ERCC6L2: variants seen among roughly 807,000 people sequenced by gnomAD.
ERCC6L2 encodes the protein ERCC excision repair 6 like 2, also known as DNA excision repair protein ERCC-6-like 2.
ERCC6L2 carries 77 observed loss-of-function variants against 132.0 expected under a neutral mutation model. The ratio of observed to expected loss-of-function variants is 0.58; its 90% CI spans 0.49 to 0.71. The LOEUF (loss-of-function observed/expected upper bound fraction) is 0.71, where lower values mean the gene tolerates loss of function less well. Ranked by LOEUF, ERCC6L2 falls within the 30% of genes least tolerant of loss-of-function variation. ERCC6L2 has a pLI of 0.00. For missense variants in ERCC6L2, 1,542 were observed against 1,837.6 expected, an observed-to-expected ratio of 0.84 and a Z score of 2.94; for synonymous variants, 583 against 632.4, an observed-to-expected ratio of 0.92 and a Z score of 1.17.
intron 1 of ERCC6L2, 88 bp downstream of exon 1, chr9:95,876,172 T>A: frequency 7.7e-7 from 1 of 1,293,328 alleles, no homozygotes; most frequent in Non-Finnish European, 1.1e-6. Context: ...CGGGTTGGGG[T>A]TTTGCCCTGT....
At chr9:96,021,307 A>C (rs935567850), downstream of ERCC6L2, 1 of 333,486 alleles carries the variant, frequency 3.0e-6, no homozygotes, top group East Asian at 9.6e-5. The surrounding 1 kb of genome is among the most constrained non-coding windows in gnomAD (Gnocchi z 4.7). Flanking sequence ...AAAGCAAGCG[A>C]TTAACTGATG....
chr9:96,011,353 C>G (rs1311898049), intron 18 of ERCC6L2, among the ~76,000 whole-genome samples: 3 of 152,162 alleles, frequency 2.0e-5, no homozygotes, highest in Non-Finnish European at 4.4e-5. Context: ...CAGGGTCCCA[C>G]CCGTATGACT....
At chr9:95,983,950 T>G (rs796711848) in intron 17 of ERCC6L2, among the ~76,000 whole-genome samples, 12 of 152,264 alleles carry the variant, frequency 7.9e-5, no homozygotes, top group African/African-American at 2.9e-4. Context: ...TCTGGCGATT[T>G]CAATTTTACT....
At chr9:96,004,904 A>G (rs776293828) in intron 18 of ERCC6L2, 54 of 341,830 alleles carry the variant, frequency 1.6e-4, no homozygotes, top group Non-Finnish European at 2.6e-4. Context: ...AAAAAGGGAA[A>G]TCATGTTATA....
Position 96,014,875 on chromosome 9 carries a change from T to C in ERCC6L2, c.*1672T>C, listed in dbSNP as rs1441869902. ...TAGATGTTTTCAGCCTACAATGTGA[T>C]CAGCTATCTGAGGAACTCCAGTAAG... On this transcript the variant is annotated 3_prime_UTR_variant, in exon 19 of 19. Transcript: ENST00000653738. Among the ~76,000 whole-genome samples, 1 of 152,208 alleles carries C rather than the reference T, an allele frequency of 6.6e-6. No homozygotes were observed. The highest frequency in any genetic ancestry group is 1.5e-5 in the Non-Finnish European group (1 of 68,046).
At chr9:95,907,857 C>CACAAACACACACACACACACACACA in intron 4 of ERCC6L2, among the ~76,000 whole-genome samples, 5,157 of 133,748 alleles carry the variant, frequency 0.039, 181 homozygotes, top group African/African-American at 0.065. Context: ...ACACACACAC[C>CACAAACACACACACACACACACACA]CCCACACCCA....
rs577396114 is a variant in ERCC6L2 at position 96,001,482 on chromosome 9, C to A, written c.3493-3038C>A. On this transcript the variant is annotated intron_variant, in intron 17 of 18. Transcript: ENST00000653738. ...TCCAAGGCCCCACCAGAGCAGCTAG[C>A]TACAGGGTGTCGATTGGTGCATTCA... 3.3e-5 allele frequency among the ~76,000 whole-genome samples: 5 copies of A among 152,330 alleles called. No homozygotes were observed. The South Asian group carries it at 6.2e-4, about 19-fold the overall frequency.
At position 95,966,637 on chromosome 9, in the gene ERCC6L2, C is replaced by T; in HGVS notation, c.2023C>T (p.Gln675Ter). 6.5e-7 allele frequency: 1 copy of T among 1,546,232 alleles called. No homozygotes were observed. The highest frequency in any genetic ancestry group is 8.8e-7 in the Non-Finnish European group (1 of 1,132,308). The change falls in exon 14 of 19, where the codon CAA becomes TAA. Residue 675 changes from glutamine (Q) to a stop codon, truncating the protein, a stop_gained. Transcript: ENST00000653738. LOFTEE classifies it high-confidence loss of function. ...AGCAGTTCAAGGATCTAAAGAGCAT[C>T]AAGGAGAGCTTTTTGGGATCCATAA... is the stretch of plus-strand genomic sequence containing the variant. ...FEAVQGSKEH[Q>*]GELFGIHNLF... is the part of the protein sequence containing the mutation.
intron 6 of ERCC6L2, among the ~76,000 whole-genome samples, chr9:95,916,768 C>T (rs531810221): frequency 2.1e-4 from 32 of 151,506 alleles, no homozygotes; most frequent in African/African-American, 7.5e-4. Flanking sequence ...CTGCAACCTC[C>T]GCCTCCCAAG....
At chr9:96,032,347 C>T (rs969006602) in intron 19 of ERCC6L2, among the ~76,000 whole-genome samples, 2 of 152,364 alleles carry the variant, frequency 1.3e-5, no homozygotes, top group East Asian at 3.9e-4. Context: ...TGGAAACCAC[C>T]CTCAGCGCCT....
intron 3 of ERCC6L2, chr9:95,906,819 T>A: frequency 7.8e-6 from 4 of 510,172 alleles, no homozygotes; most frequent in Non-Finnish European, 1.5e-5. Context: ...GCCTTTTTGG[T>A]AGGGGGAAAT....
intron 9 of ERCC6L2, among the ~76,000 whole-genome samples, chr9:95,925,159 A>T (rs1483527225): frequency 6.6e-6 from 1 of 152,200 alleles, no homozygotes; most frequent in Non-Finnish European, 1.5e-5. Flanking sequence ...TATAATCTTT[A>T]TAGCCTCAAA....
intron 4 of ERCC6L2, among the ~76,000 whole-genome samples, chr9:95,913,476 C>CT (rs1343185393): frequency 6.6e-6 from 1 of 151,848 alleles, no homozygotes; most frequent in Non-Finnish European, 1.5e-5. Context: ...CTTGCTTTCT[C>CT]TCTTTCTCTC....
At chr9:95,913,347 CTCGAT>C (rs1469124076) in intron 4 of ERCC6L2, among the ~76,000 whole-genome samples, 1 of 152,086 alleles carries the variant, frequency 6.6e-6, no homozygotes, top group African/African-American at 2.4e-5. Flanking sequence ...AAGGTGAATG[CTCGAT>C]TCTTTTTCTT....
chr9:95,943,082 T>C (rs1203661938), intron 12 of ERCC6L2, among the ~76,000 whole-genome samples: 1 of 152,132 alleles, frequency 6.6e-6, no homozygotes, highest in Non-Finnish European at 1.5e-5. Context: ...TGAAAGAAAA[T>C]TATTTTGAGT....
chr9:95,923,008 C>T (rs906255060), intron 8 of ERCC6L2, among the ~76,000 whole-genome samples: 1 of 152,022 alleles, frequency 6.6e-6, no homozygotes, highest in Non-Finnish European at 1.5e-5. Context: ...GAGTATTTAG[C>T]ACCTTGTTTT....
chr9:96,027,633 C>G (rs1284102200), intron 19 of ERCC6L2: 1 of 152,566 alleles, frequency 6.6e-6, no homozygotes, highest in Non-Finnish European at 1.5e-5. Context: ...GCCCAGCGCC[C>G]ACCCGTCCCC....
rs565991671 is a variant in ERCC6L2 at position 95,979,660 on chromosome 9, G to A, written c.3492+1445G>A. On this transcript the variant is annotated intron_variant, in intron 17 of 18. Coordinates refer to ENST00000653738, the MANE Select transcript of ERCC6L2 (RefSeq NM_020207.7). ...CAGTGCCAGACTACAACTCGTGAAA[G>A]CATTCTTTCATGACCCAAATATGCT... Among the ~76,000 whole-genome samples, 4 of 152,220 alleles carry A rather than the reference G, an allele frequency of 2.6e-5. No homozygotes were observed. The South Asian group carries it at 8.3e-4, about 32-fold the overall frequency.
At chr9:95,950,507 T>C (rs981247927) in intron 12 of ERCC6L2, among the ~76,000 whole-genome samples, 5 of 152,144 alleles carry the variant, frequency 3.3e-5, no homozygotes, top group Non-Finnish European at 7.4e-5. Context: ...TTATTTCAAA[T>C]GTAAATGGAT....
Sources: gnomAD v4.1 joint callset for allele counts (sites outside exome capture counted in the v4.1 genomes callset) on GRCh38, gnomAD v4.1.1 for gene constraint, Gnocchi (gnomAD v3.1) non-coding constraint, MANE v1.5 for transcripts, NCBI Gene and HGNC (gene_info 2026-07-23, HGNC 2026-07-21) for gene names.